Variants in TMEM212 observed in about 807,000 individuals in gnomAD.
TMEM212 encodes transmembrane protein 212.
Under a neutral mutation model 20.5 loss-of-function variants are expected in TMEM212, and 23 were observed. That is an observed-to-expected ratio of 1.12 (90% CI 0.81 to 1.59). The LOEUF is 1.59. TMEM212 is among the 40% of genes most tolerant of loss of function. The pLI is 0.00. For synonymous variants in TMEM212, 76 were observed against 81.6 expected (o/e 0.93, Z 0.37); for missense variants, 211 against 215.0 (o/e 0.98, Z 0.12).
chr3:171,847,109 C>T (rs1560325049), intron 1 of TMEM212, among the ~76,000 whole-genome samples: 1 of 152,212 alleles, frequency 6.6e-6, no homozygotes, highest in Admixed American at 6.5e-5. Flanking sequence ...AAGCAATTTT[C>T]CTAGAATTTT....
intron 1 of TMEM212, among the ~76,000 whole-genome samples, chr3:171,850,167 ATAGCCC>A (rs1258274293): frequency 6.6e-6 from 1 of 152,190 alleles, no homozygotes; most frequent in Non-Finnish European, 1.5e-5. Flanking sequence ...CTTGGGGAAA[ATAGCCC>A]TATTCTATCT....
chr3:171,845,612 G>T (rs999016219), intron 1 of TMEM212, among the ~76,000 whole-genome samples: 2 of 152,286 alleles, frequency 1.3e-5, no homozygotes, highest in African/African-American at 4.8e-5. Flanking sequence ...CCGGAGAAAT[G>T]ATATGATGTG....
At chr3:171,853,058 T>C (rs1725021842) in intron 2 of TMEM212, among the ~76,000 whole-genome samples, 1 of 152,242 alleles carries the variant, frequency 6.6e-6, no homozygotes, top group South Asian at 2.1e-4. Flanking sequence ...GACTAGTTGC[T>C]TCCATGTGAT....
intron 1 of TMEM212, among the ~76,000 whole-genome samples, chr3:171,849,064 T>G (rs1724906817): frequency 1.3e-5 from 2 of 152,100 alleles, no homozygotes; most frequent in South Asian, 4.1e-4. Flanking sequence ...CCTGATTTTC[T>G]ACTCTTCTCT....
At chr3:171,853,050 C>T (rs1233946744) in intron 2 of TMEM212, among the ~76,000 whole-genome samples, 1 of 152,210 alleles carries the variant, frequency 6.6e-6, no homozygotes, top group South Asian at 2.1e-4. Context: ...CCAACCCAGA[C>T]TAGTTGCTTC....
At chr3:171,855,160 T>C (rs1725083243) in intron 3 of TMEM212, among the ~76,000 whole-genome samples, 1 of 152,220 alleles carries the variant, frequency 6.6e-6, no homozygotes, top group South Asian at 2.1e-4. Context: ...CTATGACCTA[T>C]CTCTTTGACA....
At chr3:171,848,426 A>G (rs1724886690) in intron 1 of TMEM212, among the ~76,000 whole-genome samples, 1 of 152,088 alleles carries the variant, frequency 6.6e-6, no homozygotes, top group South Asian at 2.1e-4. Context: ...ATCTCACTCT[A>G]TACCCCCTTA....
At chr3:171,850,861 G>A (rs571911604) in intron 1 of TMEM212, among the ~76,000 whole-genome samples, 1 of 152,232 alleles carries the variant, frequency 6.6e-6, no homozygotes, top group African/African-American at 2.4e-5. Flanking sequence ...ACGCGCGTGT[G>A]TGTTTCCCTC....
intron 2 of TMEM212, 62 bp downstream of exon 2, chr3:171,852,103 T>G (rs1248784750): frequency 1.6e-6 from 2 of 1,262,710 alleles, no homozygotes; most frequent in Non-Finnish European, 2.2e-6. Flanking sequence ...CACTACTAAG[T>G]TCAGGATGGA....
Position 171,843,440 on chromosome 3 carries a change from T to C in TMEM212, c.57T>C (p.Ser19=). The change falls in exon 1 of 5, where the codon AGT becomes AGC. Residue 19 remains serine (S), a synonymous_variant. Transcript: ENST00000334567. ...GRILVTLGIL[S]VCSGVIAFFP... ...TTCTTGTTACTCTGGGGATCCTCAG[T>C]GTATGCTCTGGAGTTATTGCTTTCT... The C allele has an allele frequency of 6.5e-7, 1 of 1,537,000 alleles. No homozygotes were observed. The highest frequency in any genetic ancestry group is 1.2e-5 in the South Asian group (1 of 84,026).
intron 1 of TMEM212, among the ~76,000 whole-genome samples, chr3:171,845,910 T>C (rs1391115761): frequency 6.6e-6 from 1 of 152,234 alleles, no homozygotes; most frequent in Non-Finnish European, 1.5e-5. Flanking sequence ...AATAAAGAGC[T>C]TTGCCAATTT....
At chr3:171,855,180 T>C (rs765290434) in intron 3 of TMEM212, among the ~76,000 whole-genome samples, 9 of 152,222 alleles carry the variant, frequency 5.9e-5, no homozygotes, top group Non-Finnish European at 1.3e-4. Context: ...ATTCTTCAGA[T>C]TGATACCTCA....
chr3:171,852,142 T>C (rs1405697541), intron 2 of TMEM212, 101 bp downstream of exon 2: 3 of 949,678 alleles, frequency 3.2e-6, no homozygotes, highest in Admixed American at 4.4e-5. Context: ...CCAATTAGAA[T>C]TGAATTTGGT....
intron 1 of TMEM212, among the ~76,000 whole-genome samples, chr3:171,849,223 A>T (rs1346478428): frequency 6.6e-6 from 1 of 151,684 alleles, no homozygotes; most frequent in African/African-American, 2.4e-5. Flanking sequence ...CCATCCTTAA[A>T]CCCACTTCAG....
At chr3:171,844,504 G>A (rs1315941158) in intron 1 of TMEM212, among the ~76,000 whole-genome samples, 2 of 152,086 alleles carry the variant, frequency 1.3e-5, no homozygotes, top group East Asian at 1.9e-4. Flanking sequence ...TCAGGAGTTC[G>A]AGACCAGCCT....
At position 171,853,605 on chromosome 3, in the gene TMEM212, C is replaced by T; in HGVS notation, c.298C>T (p.Leu100Phe). Residue 100 changes from leucine to phenylalanine, a missense_variant, in exon 3 of 5, where the codon CTC (leucine) becomes TTC (phenylalanine). By Grantham distance (22) the Leu-to-Phe change is conservative (BLOSUM62 0). Transcript: ENST00000334567. ...TTTTGCAATAGCCTTGGAATCTGCT[C>T]TCCTGGGCCCATATTGCTTCTATTC... ...LHFAIALESA[L>F]LGPYCFYSFS... 1 of 1,537,244 alleles carries T rather than the reference C, an allele frequency of 6.5e-7. No individual in the cohort carries two copies. Among genetic ancestry groups the T allele is most frequent in the Non-Finnish European group, 8.7e-7 (1 of 1,146,852 alleles).
Position 171,853,609 on chromosome 3 carries a change from T to C in TMEM212, c.302T>C (p.Leu101Pro). Residue 101 changes from leucine (L) to proline (P), a missense_variant, in exon 3 of 5, where the codon CTG (leucine) becomes CCG (proline). Transcript: ENST00000334567. ...GCAATAGCCTTGGAATCTGCTCTCC[T>C]GGGCCCATATTGCTTCTATTCATTT... is the stretch of plus-strand genomic sequence containing the variant. ...HFAIALESAL[L>P]GPYCFYSFSG... is the part of the protein sequence containing the mutation. The C allele has an allele frequency of 2.0e-6, 3 of 1,537,322 alleles. No individual in the cohort carries two copies. Among genetic ancestry groups the C allele is most frequent in the Non-Finnish European group, 1.7e-6 (2 of 1,146,874 alleles).
intron 3 of TMEM212, among the ~76,000 whole-genome samples, chr3:171,856,338 G>C (rs962664868): frequency 4.6e-5 from 7 of 152,168 alleles, no homozygotes; most frequent in African/African-American, 1.2e-4. Context: ...TGCATAGGAG[G>C]TTATTCCTAA....
intron 1 of TMEM212, among the ~76,000 whole-genome samples, chr3:171,850,192 T>G (rs929986188): frequency 1.3e-5 from 2 of 152,196 alleles, no homozygotes; most frequent in Non-Finnish European, 2.9e-5. Flanking sequence ...CTCCCATGTC[T>G]GGCGGGGAGC....
Sources: gnomAD v4.1 joint callset for allele counts (sites outside exome capture counted in the v4.1 genomes callset) on GRCh38, gnomAD v4.1.1 for gene constraint, MANE v1.5 for transcripts, NCBI Gene and HGNC (gene_info 2026-07-23, HGNC 2026-07-21) for gene names.